LRRTM4: variants seen among roughly 807,000 people sequenced by gnomAD.
LRRTM4 encodes leucine rich repeat transmembrane neuronal 4.
LRRTM4 carries 25 observed loss-of-function variants against 47.6 expected under a neutral mutation model. The observed-to-expected ratio is 0.53, with a 90% confidence interval of 0.38 to 0.73. LRRTM4 has a LOEUF of 0.73. LRRTM4 is among the 30% of genes least tolerant of loss of function. The pLI, the probability that LRRTM4 is intolerant of heterozygous loss-of-function variation, is 0.00. For synonymous variants in LRRTM4, 311 were observed against 269.5 expected, an observed-to-expected ratio of 1.15 and a Z score of -1.51; for missense variants, 638 against 713.4, an observed-to-expected ratio of 0.89 and a Z score of 1.20.
intron 3 of LRRTM4, among the ~76,000 whole-genome samples, chr2:77,344,417 G>A (rs1341858495): frequency 6.6e-6 from 1 of 151,696 alleles, no homozygotes; most frequent in African/African-American, 2.4e-5. Context: ...AAACAATAGT[G>A]TGACCTTCAT....
At chr2:77,076,597 A>T (rs72807223) in intron 3 of LRRTM4, among the ~76,000 whole-genome samples, 28,610 of 151,986 alleles carry the variant, frequency 0.19, 2,761 homozygotes, top group African/African-American at 0.24. Flanking sequence ...AATAGTATTA[A>T]TTCTTTCTGC....
intron 3 of LRRTM4, among the ~76,000 whole-genome samples, chr2:76,803,683 T>C (rs72815458): frequency 6.6e-6 from 1 of 152,054 alleles, no homozygotes; most frequent in Non-Finnish European, 1.5e-5. Flanking sequence ...TAACATGGCA[T>C]GTCTACAAAT....
At chr2:76,845,771 A>C (rs1671819869) in intron 3 of LRRTM4, among the ~76,000 whole-genome samples, 1 of 152,154 alleles carries the variant, frequency 6.6e-6, no homozygotes, top group Non-Finnish European at 1.5e-5. Context: ...AATGCTGCAG[A>C]AATGAGTAGG....
At chr2:76,918,518 C>A (rs1048738086) in intron 3 of LRRTM4, among the ~76,000 whole-genome samples, 1 of 152,036 alleles carries the variant, frequency 6.6e-6, no homozygotes, top group Non-Finnish European at 1.5e-5. Flanking sequence ...ATCACATAGG[C>A]CGTATTAATG....
intron 3 of LRRTM4, among the ~76,000 whole-genome samples, chr2:76,751,713 T>G (rs955734438): frequency 5.9e-5 from 9 of 152,086 alleles, no homozygotes; most frequent in African/African-American, 2.2e-4. Flanking sequence ...CCTCATAGGA[T>G]TTTTCAGGGT....
At chr2:77,126,997 G>T (rs1283196291) in intron 3 of LRRTM4, among the ~76,000 whole-genome samples, 6 of 152,138 alleles carry the variant, frequency 3.9e-5, no homozygotes, top group Admixed American at 2.6e-4. Flanking sequence ...CTTTGGGAAG[G>T]TTGCTATACT....
chr2:76,880,876 G>A (rs1000385730), intron 3 of LRRTM4, among the ~76,000 whole-genome samples: 2 of 152,124 alleles, frequency 1.3e-5, no homozygotes, highest in African/African-American at 4.8e-5. Flanking sequence ...TGAAGACATG[G>A]AGAACATCTT....
intron 3 of LRRTM4, among the ~76,000 whole-genome samples, chr2:77,509,585 A>C (rs1467474388): frequency 6.6e-6 from 1 of 152,184 alleles, no homozygotes; most frequent in Non-Finnish European, 1.5e-5. Context: ...TATAACCATC[A>C]TCATAACTAA....
At chr2:77,336,388 T>C (rs1671170572) in intron 3 of LRRTM4, among the ~76,000 whole-genome samples, 1 of 152,072 alleles carries the variant, frequency 6.6e-6, no homozygotes, top group Non-Finnish European at 1.5e-5. Context: ...ACCAGTTAGC[T>C]CATAATTTTT....
intron 3 of LRRTM4, among the ~76,000 whole-genome samples, chr2:77,116,268 G>GA (rs570677952): frequency 2.1e-4 from 29 of 136,536 alleles, no homozygotes; most frequent in Middle Eastern, 3.9e-3. Flanking sequence ...ATTTGAGTTT[G>GA]AAAAAAAAAA....
At chr2:77,516,959 A>T (rs183780641) in intron 3 of LRRTM4, 1 of 984,946 alleles carries the variant, frequency 1.0e-6, no homozygotes, top group Admixed American at 6.2e-5. Flanking sequence ...AACTAGCATT[A>T]GAAAGGGCAA....
At chr2:77,410,551 A>G (rs886403558) in intron 3 of LRRTM4, among the ~76,000 whole-genome samples, 2 of 152,182 alleles carry the variant, frequency 1.3e-5, no homozygotes, top group South Asian at 2.1e-4. Context: ...GATAGATCCT[A>G]TGGGAAAGTA....
intron 3 of LRRTM4, among the ~76,000 whole-genome samples, chr2:77,070,819 C>A (rs111469913): frequency 6.6e-6 from 1 of 152,018 alleles, no homozygotes. Context: ...TTAGTAGAGA[C>A]GGGGTTTCAC....
In LRRTM4 at chr2:76,974,187, C is replaced by T. The variant is rs12151798; in HGVS notation, c.1552-225271G>A. Among the ~76,000 whole-genome samples, 109 of 107,698 alleles carry T rather than the reference C, an allele frequency of 1.0e-3. 1 individual carries two copies. The highest frequency in any genetic ancestry group is 3.1e-3 in the African/African-American group (90 of 28,858). 70.7% of individuals were successfully genotyped at this position (107,698 alleles called of 152,430 possible). On this transcript the variant is annotated intron_variant, in intron 3 of 3. Transcript: ENST00000409884. Reference sequence around the variant, plus strand: ...ATATATACATACATATATATACATACATATATATACATATATATATATACA... The same window carrying T: ...ATATATACATACATATATATACATATATATATATACATATATATATATACA...
intron 3 of LRRTM4, among the ~76,000 whole-genome samples, chr2:77,297,745 C>A (rs1265683206): frequency 1.3e-5 from 2 of 152,110 alleles, no homozygotes; most frequent in Admixed American, 1.3e-4. Flanking sequence ...GAGAGTAGAG[C>A]TTTAAAGTCA....
intron 3 of LRRTM4, among the ~76,000 whole-genome samples, chr2:77,239,281 G>GA (rs1393187947): frequency 6.6e-6 from 1 of 151,868 alleles, no homozygotes; most frequent in East Asian, 1.9e-4. Flanking sequence ...TATAAACTGT[G>GA]ATAATGAGGT....
At chr2:77,051,089 A>G (rs1328745259) in intron 3 of LRRTM4, among the ~76,000 whole-genome samples, 8 of 151,652 alleles carry the variant, frequency 5.3e-5, no homozygotes, top group African/African-American at 1.9e-4. Flanking sequence ...TTTGCTCTCC[A>G]TGGGATATTT....
intron 3 of LRRTM4, among the ~76,000 whole-genome samples, chr2:77,107,726 G>A (rs996956221): frequency 6.7e-6 from 1 of 149,382 alleles, no homozygotes; most frequent in East Asian, 2.0e-4. Context: ...GCTGAGGCAG[G>A]AGAATTGCTT....
intron 3 of LRRTM4, among the ~76,000 whole-genome samples, chr2:77,464,159 AGGAAGGGAAGAG>A (rs1418873855): frequency 6.6e-6 from 1 of 152,076 alleles, no homozygotes; most frequent in Non-Finnish European, 1.5e-5. Flanking sequence ...TGCAGAACCT[AGGAAGGGAAGAG>A]AGCACATGCC....
Sources: gnomAD v4.1 joint callset for allele counts (sites outside exome capture counted in the v4.1 genomes callset) on GRCh38, gnomAD v4.1.1 for gene constraint, MANE v1.5 for transcripts, NCBI Gene and HGNC (gene_info 2026-07-23, HGNC 2026-07-21) for gene names.